The following ZNF680 variants were observed in gnomAD, a reference collection of about 807,000 sequenced individuals.
ZNF680 encodes hypothetical protein FLJ90430.
Under a neutral mutation model 12.1 loss-of-function variants are expected in ZNF680, and 6 were observed. The observed-to-expected ratio is 0.49, with a 90% CI of 0.27 to 0.98. ZNF680 has a LOEUF of 0.98. Ranked by LOEUF, ZNF680 falls within the 50% of genes least tolerant of loss-of-function variation. The pLI is 0.12. For missense variants in ZNF680, 561 were observed against 616.3 expected (o/e 0.91, Z 0.95); for synonymous variants, 170 against 199.3 (o/e 0.85, Z 1.24).
chr7:64,521,708 G>A lies in ZNF680; in HGVS notation c.1046C>T (p.Pro349Leu). ...KHKKIHTGEK[P>L]YKCEECGKAF... ...TTTGCCACATTCTTCACATTTGTAG[G>A]GTTTCTCTCCAGTATGAATTTTCTT... is the stretch of plus-strand genomic sequence containing the variant. The change falls in exon 4 of 4, where the codon CCC (proline) becomes CTC (leucine). Residue 349 changes from proline to leucine, a missense_variant. Transcript: ENST00000309683. 1.2e-6 allele frequency: 2 copies of A among 1,612,514 alleles called. No homozygotes were observed. Among genetic ancestry groups the A allele is most frequent in the South Asian group, 2.2e-5 (2 of 91,020 alleles).
chr7:64,530,041 C>G (rs1426343681), intron 3 of ZNF680, among the ~76,000 whole-genome samples: 3 of 152,156 alleles, frequency 2.0e-5, no homozygotes, highest in African/African-American at 7.2e-5. Context: ...AATTCTGTAT[C>G]CAGTGAAACT....
At chr7:64,519,205 A>T (rs1300619271), downstream of ZNF680, among the ~76,000 whole-genome samples, 1 of 151,098 alleles carries the variant, frequency 6.6e-6, no homozygotes. Context: ...TCTCAAAAGA[A>T]GATATACGAA....
chr7:64,500,499 T>C, the ZNF680 span, among the ~76,000 whole-genome samples: 1 of 152,300 alleles, frequency 6.6e-6, no homozygotes, highest in East Asian at 1.9e-4. Context: ...ACAACATTGA[T>C]GAACCTGGAG....
the ZNF680 span, among the ~76,000 whole-genome samples, chr7:64,509,930 C>T: frequency 2.0e-5 from 3 of 151,690 alleles, no homozygotes; most frequent in Admixed American, 2.0e-4. Context: ...CTTTGTTTCT[C>T]CCTCTTGTTC....
At chr7:64,553,812 C>T (rs1397303625) in intron 1 of ZNF680, among the ~76,000 whole-genome samples, 3 of 152,220 alleles carry the variant, frequency 2.0e-5, no homozygotes, top group Non-Finnish European at 4.4e-5. Context: ...GTCTCCAGCT[C>T]CTGACCTCAA....
At chr7:64,508,551 A>G in the ZNF680 span, among the ~76,000 whole-genome samples, 1 of 152,088 alleles carries the variant, frequency 6.6e-6, no homozygotes, top group Non-Finnish European at 1.5e-5. Flanking sequence ...ACAGACGGGA[A>G]TTACTAATCA....
At chr7:64,503,724 G>T in the ZNF680 span, among the ~76,000 whole-genome samples, 2 of 152,128 alleles carry the variant, frequency 1.3e-5, no homozygotes, top group Admixed American at 6.5e-5. Context: ...ATCTTTCAGG[G>T]ATTGTATCTT....
chr7:64,522,046 T>C lies in ZNF680; in HGVS notation c.708A>G (p.Lys236=). The change falls in exon 4 of 4, where the codon AAA becomes AAG. Residue 236 remains lysine, a synonymous_variant. Transcript: ENST00000309683. Reference sequence around the variant, plus strand: ...TGCCACATTCCTCACATTTGTAGGGTTTCTCTCCCATATGAATTCCCTTAT... The same window carrying C: ...TGCCACATTCCTCACATTTGTAGGGCTTCTCTCCCATATGAATTCCCTTAT... ...IKHKGIHMGE[K]PYKCEECGKA... is the part of the protein sequence containing the mutation. The C allele has an allele frequency of 6.2e-7, 1 of 1,612,980 alleles. No homozygotes were observed. The highest frequency in any genetic ancestry group is 2.2e-5 in the East Asian group (1 of 44,802).
At chr7:64,523,464 A>G (rs929132765) in intron 3 of ZNF680, among the ~76,000 whole-genome samples, 1 of 152,058 alleles carries the variant, frequency 6.6e-6, no homozygotes, top group Admixed American at 6.6e-5. Context: ...ACCAAGGATG[A>G]CAGAGAGAAA....
chr7:64,544,212 T>G, intron 2 of ZNF680, 94 bp downstream of exon 2: 2 of 1,496,296 alleles, frequency 1.3e-6, no homozygotes, highest in Non-Finnish European at 1.8e-6. Context: ...CTGAAACTCA[T>G]TTATGCAAAG....
chr7:64,530,660 A>T (rs1357995097), intron 3 of ZNF680, among the ~76,000 whole-genome samples: 1 of 151,992 alleles, frequency 6.6e-6, no homozygotes, highest in Non-Finnish European at 1.5e-5. Flanking sequence ...GGAGTTCAAG[A>T]CCAGCCTGGC....
chr7:64,521,483 T>G lies in ZNF680; in HGVS notation c.1271A>C (p.His424Pro), dbSNP rs746475615. ...ATTCTCTCTAGTGTGAATTCTCTTATGTCGAGTAAGGCTGGAGCACCCATT... is the reference window on the plus strand; with the variant it reads ...ATTCTCTCTAGTGTGAATTCTCTTAGGTCGAGTAAGGCTGGAGCACCCATT... ...AFNGCSSLTR[H>P]KRIHTRENTY... The change falls in exon 4 of 4, where the codon CAT becomes CCT. Residue 424 changes from histidine to proline, a missense_variant. Transcript: ENST00000309683. The G allele has an allele frequency of 2.9e-5, 47 of 1,613,426 alleles. No individual in the cohort carries two copies. The highest frequency in any genetic ancestry group is 5.9e-6 in the Non-Finnish European group (7 of 1,179,722).
At chr7:64,522,608 A>C (rs571913262) in intron 3 of ZNF680, 108 bp from the exon 4 acceptor site, 7 of 883,600 alleles carry the variant, frequency 7.9e-6, no homozygotes, top group Non-Finnish European at 1.1e-5. Flanking sequence ...AAATACAAAA[A>C]TAAATAACTA....
the ZNF680 span, among the ~76,000 whole-genome samples, chr7:64,505,618 C>T: frequency 6.6e-6 from 1 of 152,188 alleles, no homozygotes; most frequent in African/African-American, 2.4e-5. Flanking sequence ...TGATCATTCA[C>T]TACGGCTTTC....
chr7:64,503,279 C>T, the ZNF680 span, among the ~76,000 whole-genome samples: 2 of 74,910 alleles, frequency 2.7e-5, no homozygotes, highest in African/African-American at 9.8e-5. Context: ...TTTCAGCACA[C>T]ATATAGTTTT....
chr7:64,531,317 C>G (rs1396126328), intron 3 of ZNF680, among the ~76,000 whole-genome samples: 3 of 152,012 alleles, frequency 2.0e-5, no homozygotes, highest in African/African-American at 7.2e-5. Context: ...AGAAATCAGC[C>G]GGGCGCAGTG....
rs1156769869 is a variant in ZNF680, at chr7:64,521,759, T to C, written c.995A>G (p.Asn332Ser). 6.2e-7 allele frequency: 1 copy of C among 1,612,772 alleles called. No individual in the cohort carries two copies. Among genetic ancestry groups the C allele is most frequent in the Admixed American group, 1.7e-5 (1 of 59,980 alleles). The change falls in exon 4 of 4, where the codon AAC (asparagine) becomes AGC (serine). Residue 332 changes from asparagine to serine, a missense_variant. Coordinates refer to ENST00000309683, the MANE Select transcript of ZNF680 (RefSeq NM_178558.5). ...FKCEECGKDFNQFSNLTKHKK... is the reference protein window; with the variant it reads ...FKCEECGKDFSQFSNLTKHKK... ...ATGTTTAGTAAGGTTTGAAAACTGGTTAAAGTCTTTGCCACATTCTTCACA... is the reference window on the plus strand; with the variant it reads ...ATGTTTAGTAAGGTTTGAAAACTGGCTAAAGTCTTTGCCACATTCTTCACA...
chr7:64,507,636 G>A, the ZNF680 span, among the ~76,000 whole-genome samples: 1 of 151,032 alleles, frequency 6.6e-6, no homozygotes, highest in Non-Finnish European at 1.5e-5. Context: ...CGAGTAGCTG[G>A]GATTACAGGT....
At chr7:64,511,700 A>T in the ZNF680 span, among the ~76,000 whole-genome samples, 3 of 152,078 alleles carry the variant, frequency 2.0e-5, no homozygotes, top group African/African-American at 7.2e-5. Context: ...AAACTAGGAA[A>T]AAAATGGTAA....
Sources: allele counts gnomAD v4.1 joint callset (sites outside exome capture counted in the v4.1 genomes callset), GRCh38; gene constraint gnomAD v4.1.1; transcripts MANE v1.5; gene names NCBI Gene and HGNC (gene_info 2026-07-23, HGNC 2026-07-21).